Variants in CCDC7 observed in about 807,000 individuals in gnomAD.
CCDC7 encodes coiled-coil domain containing 7.
In CCDC7, 183 loss-of-function variants were observed where a neutral mutation model predicts 196.9. The observed-to-expected ratio is 0.93, with a 90% CI of 0.82 to 1.05. The LOEUF (loss-of-function observed/expected upper bound fraction) is 1.05. CCDC7 is among the 50% of genes least tolerant of loss of function. The probability of loss-of-function intolerance (pLI) is 0.00; values close to 1 mark genes in which losing one functional copy is unlikely to be tolerated. For synonymous variants in CCDC7, 525 were observed against 484.6 expected, an observed-to-expected ratio of 1.08 and a Z score of -1.10; for missense variants, 1,540 against 1,482.2, an observed-to-expected ratio of 1.04 and a Z score of -0.64.
intron 21 of CCDC7, among the ~76,000 whole-genome samples, chr10:32,667,803 G>T (rs2073134403): frequency 1.3e-5 from 2 of 152,158 alleles, no homozygotes; most frequent in Admixed American, 6.6e-5. Flanking sequence ...CAGGTAGCGT[G>T]ATGCCTCCAG....
At chr10:32,650,394 G>A (rs1315318291) in intron 20 of CCDC7, among the ~76,000 whole-genome samples, 3 of 152,218 alleles carry the variant, frequency 2.0e-5, no homozygotes. Context: ...TTGCAACTGT[G>A]TTCTGCCATG....
intron 21 of CCDC7, among the ~76,000 whole-genome samples, chr10:32,670,823 G>T (rs920417808): frequency 6.6e-6 from 1 of 151,074 alleles, no homozygotes; most frequent in Non-Finnish European, 1.5e-5. Context: ...TTTCTTCCAT[G>T]AGCTTTATTA....
chr10:32,449,719 G>A (rs1365751288), upstream of CCDC7, among the ~76,000 whole-genome samples: 2 of 152,094 alleles, frequency 1.3e-5, no homozygotes, highest in Non-Finnish European at 2.9e-5. Context: ...CCCCAAATTC[G>A]CATGTTGAAA....
Position 32,786,051 on chromosome 10 carries a change from C to T in CCDC7, c.3013+6967C>T, listed in dbSNP as rs1028304555. ...AGGGAGACTCTTAGGATAGAATTAA[C>T]TGCAAATACTGTGAAAGGTGTTTGA... On this transcript the variant is annotated intron_variant, in intron 29 of 41. Transcript: ENST00000639629. Among the ~76,000 whole-genome samples the T allele has an allele frequency of 2.6e-5, 4 of 152,278 alleles. 1 individual carries two copies. The South Asian group carries it at 8.3e-4, about 32-fold the overall frequency.
At chr10:32,743,273 T>C (rs1268152623) in intron 28 of CCDC7, among the ~76,000 whole-genome samples, 1 of 152,204 alleles carries the variant, frequency 6.6e-6, no homozygotes, top group Admixed American at 6.5e-5. Context: ...CTTGTAAATT[T>C]GTTTGAGTTA....
intron 29 of CCDC7, among the ~76,000 whole-genome samples, chr10:32,804,443 T>C (rs1364475174): frequency 6.6e-6 from 1 of 152,298 alleles, no homozygotes; most frequent in East Asian, 1.9e-4. Flanking sequence ...CTACAAGATA[T>C]CTTATTATTT....
At chr10:32,558,827 G>C in intron 13 of CCDC7, among the ~76,000 whole-genome samples, 1 of 152,200 alleles carries the variant, frequency 6.6e-6, no homozygotes, top group Non-Finnish European at 1.5e-5. Context: ...CAGGACAGTG[G>C]GTGCAGTGCA....
chr10:32,784,285 GT>G (rs201050214), intron 29 of CCDC7, among the ~76,000 whole-genome samples: 6,932 of 149,256 alleles, frequency 0.046, 535 homozygotes, highest in African/African-American at 0.16. Context: ...ATAGGTAAAT[GT>G]GTGTTATGGT....
Position 32,668,100 on chromosome 10 carries a change from G to A in CCDC7, c.2122+3939G>A, listed in dbSNP as rs1031457340. ...GGTCCTTCACGTCCCTTGTAAGTTG[G>A]ATTCCCAGGTGTTTTATTCTCTTTG... On this transcript the variant is annotated intron_variant, in intron 21 of 41. Transcript: ENST00000639629. Among the ~76,000 whole-genome samples, 73 of 151,872 alleles carry A rather than the reference G, an allele frequency of 4.8e-4. 1 individual carries two copies. The highest frequency in any genetic ancestry group is 8.7e-4 in the Non-Finnish European group (59 of 67,928).
At chr10:32,809,952 A>G (rs1275599701) in intron 30 of CCDC7, among the ~76,000 whole-genome samples, 1 of 152,128 alleles carries the variant, frequency 6.6e-6, no homozygotes, top group Non-Finnish European at 1.5e-5. Flanking sequence ...GGCACTATTC[A>G]CAATAGCAAA....
chr10:32,525,070 C>CT (rs1349846006), intron 11 of CCDC7, among the ~76,000 whole-genome samples: 2 of 144,382 alleles, frequency 1.4e-5, no homozygotes, highest in Admixed American at 6.8e-5. Context: ...TTTTTTTTTT[C>CT]TTTTGTCTCC....
chr10:32,669,058 G>T (rs1489827419), intron 21 of CCDC7, among the ~76,000 whole-genome samples: 1 of 151,924 alleles, frequency 6.6e-6, no homozygotes, highest in African/African-American at 2.4e-5. Context: ...CTTTTATTGT[G>T]GTGAGGTACA....
At chr10:32,543,008 A>T (rs906343899) in intron 11 of CCDC7, among the ~76,000 whole-genome samples, 1 of 152,172 alleles carries the variant, frequency 6.6e-6, no homozygotes. Flanking sequence ...TTGCATAGTG[A>T]GGTGATTTTC....
chr10:32,599,699 G>A (rs1265738236), intron 18 of CCDC7, among the ~76,000 whole-genome samples: 1 of 151,492 alleles, frequency 6.6e-6, no homozygotes, highest in Non-Finnish European at 1.5e-5. Context: ...AGTGTGTTTT[G>A]GTTACATGGA....
intron 8 of CCDC7, among the ~76,000 whole-genome samples, chr10:32,474,749 T>C (rs999910653): frequency 2.6e-5 from 4 of 152,366 alleles, no homozygotes; most frequent in South Asian, 2.1e-4. Context: ...CTGCTAGAGC[T>C]TGTATGTTAA....
intron 18 of CCDC7, among the ~76,000 whole-genome samples, chr10:32,633,738 A>ATGTGTGTG (rs151327256): frequency 7.6e-6 from 1 of 130,752 alleles, no homozygotes; most frequent in African/African-American, 2.9e-5. Context: ...GTGTATATAT[A>ATGTGTGTG]TGTGTGTGTG....
At position 32,530,378 on chromosome 10, in the gene CCDC7, C is replaced by T. The variant is rs565963177; in HGVS notation, c.993+11873C>T. Reference sequence around the variant, plus strand: ...GCTTTTGGCAGTATGGTCATACATACCTCAAAATAATAAAGGTCATTTATA... The same window carrying T: ...GCTTTTGGCAGTATGGTCATACATATCTCAAAATAATAAAGGTCATTTATA... On this transcript the variant is annotated intron_variant, in intron 11 of 41. Transcript: ENST00000639629. Among the ~76,000 whole-genome samples the T allele has an allele frequency of 1.4e-4, 21 of 150,162 alleles. No homozygotes were observed. The East Asian group carries it at 4.0e-3, about 28-fold the overall frequency.
chr10:32,755,689 T>G (rs937187628), intron 28 of CCDC7, among the ~76,000 whole-genome samples: 13 of 152,064 alleles, frequency 8.5e-5, no homozygotes, highest in African/African-American at 3.1e-4. Flanking sequence ...AAAATCAGAC[T>G]GCCTCTTCTC....
At chr10:32,580,581 A>G (rs1425118834) in intron 16 of CCDC7, among the ~76,000 whole-genome samples, 1 of 152,114 alleles carries the variant, frequency 6.6e-6, no homozygotes, top group East Asian at 1.9e-4. Context: ...GTACTGTATT[A>G]CAAACTTCGG....
Sources: allele counts gnomAD v4.1 joint callset (sites outside exome capture counted in the v4.1 genomes callset), GRCh38; gene constraint gnomAD v4.1.1; transcripts MANE v1.5; gene names NCBI Gene and HGNC (gene_info 2026-07-23, HGNC 2026-07-21).